SPIDR: variants seen among roughly 807,000 people sequenced by gnomAD.
SPIDR encodes DNA repair-scaffolding protein.
A neutral mutation model predicts 104.6 loss-of-function variants in SPIDR; 93 were observed. The ratio of observed to expected loss-of-function variants is 0.89; its 90% CI spans 0.75 to 1.06. SPIDR has a LOEUF of 1.06. Ranked by LOEUF, SPIDR falls within the 50% of genes least tolerant of loss-of-function variation. SPIDR has a pLI of 0.00. For missense variants in SPIDR, 1,154 were observed against 1,111.2 expected (o/e 1.04, Z -0.55); for synonymous variants, 431 against 416.9 (o/e 1.03, Z -0.41).
At chr8:47,705,625 T>C (rs1035901393) in intron 14 of SPIDR, among the ~76,000 whole-genome samples, 4 of 152,208 alleles carry the variant, frequency 2.6e-5, no homozygotes, top group African/African-American at 9.7e-5. Context: ...AGACCCAGAC[T>C]AGGCGTGGTG....
chr8:47,545,672 G>C (rs1048995063), intron 8 of SPIDR, among the ~76,000 whole-genome samples: 1 of 152,046 alleles, frequency 6.6e-6, no homozygotes, highest in Admixed American at 6.6e-5. Flanking sequence ...GTACTACACT[G>C]AATAGCAGAA....
At chr8:47,568,461 G>C (rs1055631544) in intron 8 of SPIDR, among the ~76,000 whole-genome samples, 2 of 152,200 alleles carry the variant, frequency 1.3e-5, no homozygotes, top group African/African-American at 4.8e-5. Flanking sequence ...GTAAGGAACT[G>C]TGTGAGACAA....
chr8:47,298,806 G>A (rs1157324367), intron 5 of SPIDR, among the ~76,000 whole-genome samples: 3 of 152,068 alleles, frequency 2.0e-5, no homozygotes, highest in African/African-American at 4.8e-5. Flanking sequence ...CTGTTCCATT[G>A]GTCTATATCT....
At chr8:47,617,167 T>C (rs888095449) in intron 10 of SPIDR, among the ~76,000 whole-genome samples, 7 of 152,226 alleles carry the variant, frequency 4.6e-5, no homozygotes, top group Non-Finnish European at 8.8e-5. Context: ...TTAATCATAG[T>C]TGCTGGCTCA....
intron 8 of SPIDR, among the ~76,000 whole-genome samples, chr8:47,532,362 C>T (rs1179552414): frequency 6.6e-6 from 1 of 152,116 alleles, no homozygotes; most frequent in Non-Finnish European, 1.5e-5. Context: ...AGCCACCACG[C>T]CTGGCCCAGA....
chr8:47,707,580 G>A (rs2081269798), intron 14 of SPIDR, among the ~76,000 whole-genome samples: 1 of 152,192 alleles, frequency 6.6e-6, no homozygotes, highest in Non-Finnish European at 1.5e-5. Flanking sequence ...CATAGTAGAA[G>A]TTTTTAATTT....
intron 8 of SPIDR, among the ~76,000 whole-genome samples, chr8:47,478,563 T>C (rs2076535334): frequency 6.6e-6 from 1 of 152,182 alleles, no homozygotes; most frequent in Non-Finnish European, 1.5e-5. Context: ...AACACAGCAC[T>C]GGGGAGCCCC....
chr8:47,665,319 C>T (rs1033850091), intron 10 of SPIDR, among the ~76,000 whole-genome samples: 24 of 152,344 alleles, frequency 1.6e-4, no homozygotes, highest in African/African-American at 5.8e-4. Context: ...AAACAAATTA[C>T]TTACACCATA....
chr8:47,581,041 C>T (rs185574787), intron 8 of SPIDR, among the ~76,000 whole-genome samples: 2 of 152,204 alleles, frequency 1.3e-5, no homozygotes, highest in African/African-American at 2.4e-5. Context: ...ATTGATTTTC[C>T]AGGCACTGGT....
chr8:47,480,465 G>A (rs2076776630), intron 8 of SPIDR, among the ~76,000 whole-genome samples: 1 of 152,196 alleles, frequency 6.6e-6, no homozygotes, highest in African/African-American at 2.4e-5. Context: ...TTGTTAAAAT[G>A]TAAGGTCTGT....
chr8:47,373,298 T>C (rs1299974782), intron 5 of SPIDR, among the ~76,000 whole-genome samples: 2 of 152,230 alleles, frequency 1.3e-5, no homozygotes, highest in African/African-American at 2.4e-5. Flanking sequence ...TATCATTGTG[T>C]CACTCTTATT....
At chr8:47,461,653 G>A (rs539486929) in intron 8 of SPIDR, among the ~76,000 whole-genome samples, 2 of 152,088 alleles carry the variant, frequency 1.3e-5, no homozygotes, top group Admixed American at 6.6e-5. Flanking sequence ...GATGGATTGA[G>A]TTAATTCAAA....
intron 5 of SPIDR, among the ~76,000 whole-genome samples, chr8:47,311,168 T>C (rs781878467): frequency 1.3e-5 from 2 of 152,064 alleles, no homozygotes; most frequent in Non-Finnish European, 2.9e-5. Flanking sequence ...AAAAATACAA[T>C]ATTTCAAATG....
intron 10 of SPIDR, among the ~76,000 whole-genome samples, chr8:47,656,918 A>G (rs1199856257): frequency 6.6e-6 from 1 of 152,248 alleles, no homozygotes; most frequent in Non-Finnish European, 1.5e-5. Flanking sequence ...AGAAGGCCAC[A>G]TATCATATGA....
In SPIDR at chr8:47,466,946, TAG is replaced by T. The variant is rs1337536402; in HGVS notation, c.1097+26406_1097+26407del. Among the ~76,000 whole-genome samples the T allele has an allele frequency of 3.3e-4, 46 of 141,380 alleles. 1 individual carries two copies. Among genetic ancestry groups the T allele is most frequent in the African/African-American group, 9.0e-4 (34 of 37,570 alleles). 92.8% of individuals were successfully genotyped at this position (141,380 alleles called of 152,430 possible). A position where few individuals can be genotyped will look rare whatever the true frequency, so the allele number is the denominator to read the frequency against. The stretch of plus-strand genomic sequence containing the variant: ...ATAGATAGATAGATAGATAGATAGA[TAG>T]ATATAAAAAATAGACTGCTAGCTAG... On this transcript the variant is annotated intron_variant, in intron 8 of 19. Coordinates refer to ENST00000297423, the MANE Select transcript of SPIDR (RefSeq NM_001080394.4).
At chr8:47,460,797 C>A (rs1042039142) in intron 8 of SPIDR, among the ~76,000 whole-genome samples, 9 of 152,026 alleles carry the variant, frequency 5.9e-5, no homozygotes, top group Non-Finnish European at 1.5e-5. Flanking sequence ...CATGTGTTTC[C>A]AGGATTTGTT....
chr8:47,409,848 G>A (rs1231125663), intron 7 of SPIDR, among the ~76,000 whole-genome samples: 3 of 152,200 alleles, frequency 2.0e-5, no homozygotes, highest in African/African-American at 7.2e-5. Flanking sequence ...GAGCAATGTA[G>A]TGAAACCCAT....
At chr8:47,587,344 G>T (rs189260634) in intron 8 of SPIDR, among the ~76,000 whole-genome samples, 1 of 151,944 alleles carries the variant, frequency 6.6e-6, no homozygotes, top group East Asian at 1.9e-4. Context: ...GGTAGGCTGC[G>T]CACAGGGGCC....
chr8:47,637,077 A>G (rs2068039656), intron 10 of SPIDR, among the ~76,000 whole-genome samples: 1 of 152,178 alleles, frequency 6.6e-6, no homozygotes, highest in Non-Finnish European at 1.5e-5. Context: ...GTGATTTTTT[A>G]ATTAACTAAA....
Sources: allele counts gnomAD v4.1 joint callset (sites outside exome capture counted in the v4.1 genomes callset), GRCh38; gene constraint gnomAD v4.1.1; transcripts MANE v1.5; gene names NCBI Gene and HGNC (gene_info 2026-07-23, HGNC 2026-07-21).